PCDH15: variants seen among roughly 807,000 people sequenced by gnomAD.
PCDH15 encodes the protein protocadherin related 15.
Under a neutral mutation model 178.5 loss-of-function variants are expected in PCDH15, and 129 were observed. The ratio of observed to expected loss-of-function variants is 0.72; its 90% CI spans 0.63 to 0.84. PCDH15 has a LOEUF of 0.84. Among genes scored for constraint, PCDH15 ranks in the 40% least tolerant of loss-of-function variants. PCDH15 has a pLI of 0.00. For synonymous variants in PCDH15, 800 were observed against 732.0 expected (o/e 1.09, Z -1.50); for missense variants, 2,230 against 2,099.9 (o/e 1.06, Z -1.21).
intron 8 of PCDH15, among the ~76,000 whole-genome samples, chr10:54,288,897 A>G (rs1244259638): frequency 6.6e-6 from 1 of 152,244 alleles, no homozygotes; most frequent in Non-Finnish European, 1.5e-5. Context: ...CAGCTCAGCA[A>G]GGCCTACTGC....
At chr10:54,246,434 A>G (rs899851391) in intron 8 of PCDH15, among the ~76,000 whole-genome samples, 3 of 151,882 alleles carry the variant, frequency 2.0e-5, no homozygotes, top group African/African-American at 7.2e-5. Context: ...CCTTTTATAT[A>G]TGGCTTTTTA....
chr10:55,234,152 T>C (rs1365296464), intron 1 of PCDH15, among the ~76,000 whole-genome samples: 3 of 151,976 alleles, frequency 2.0e-5, no homozygotes, highest in African/African-American at 7.3e-5. Context: ...CAAATTAAAA[T>C]CTGAATGAAA....
intron 8 of PCDH15, among the ~76,000 whole-genome samples, chr10:54,314,715 G>T (rs1308834773): frequency 6.6e-6 from 1 of 151,896 alleles, no homozygotes; most frequent in Non-Finnish European, 1.5e-5. Context: ...AGACTTCAGG[G>T]TCTGTTGTTC....
chr10:54,202,864 C>T (rs1450522638), intron 10 of PCDH15, among the ~76,000 whole-genome samples: 1 of 150,858 alleles, frequency 6.6e-6, no homozygotes, highest in African/African-American at 2.4e-5. Context: ...CAAAGATTCT[C>T]GTTCATATGT....
chr10:54,752,993 C>T (rs1408474305), intron 1 of PCDH15, among the ~76,000 whole-genome samples: 1 of 152,080 alleles, frequency 6.6e-6, no homozygotes, highest in Non-Finnish European at 1.5e-5. Context: ...CAATATAATT[C>T]TATGCCAATG....
rs1353142698 is a variant in PCDH15 at position 55,538,971 on chromosome 10, CCTCCTTT to C, written c.-156+88647_-156+88653del. 4.6e-3 allele frequency among the ~76,000 whole-genome samples: 54 copies of C among 11,648 alleles called. 6 individuals are homozygous for C. The highest frequency in any genetic ancestry group is 0.013 in the African/African-American group (51 of 4,052). 7.6% of individuals were successfully genotyped at this position (11,648 alleles called of 152,430 possible). Reference sequence around the variant, plus strand: ...CCTTCCTTCCTTTCCTTCCTTCCTTCCTCCTTTCCTTCCTTCCTTCCTCCTTTCCTTC... The same window carrying C: ...CCTTCCTTCCTTTCCTTCCTTCCTTCCCTTCCTTCCTTCCTCCTTTCCTTC... On this transcript the variant is annotated intron_variant, in intron 2 of 5. Coordinates refer to the PCDH15 transcript ENST00000613346.
At chr10:54,466,046 G>T (rs2077496028) in intron 3 of PCDH15, among the ~76,000 whole-genome samples, 2 of 151,924 alleles carry the variant, frequency 1.3e-5, no homozygotes, top group African/African-American at 4.8e-5. Context: ...GTCTTATTTT[G>T]AGAATGTCTA....
chr10:54,020,432 G>C lies in PCDH15; in HGVS notation c.2527-16C>G. 6.2e-7 allele frequency: 1 copy of C among 1,610,922 alleles called. No individual in the cohort carries two copies. The highest frequency in any genetic ancestry group is 8.5e-7 in the Non-Finnish European group (1 of 1,177,490). On this transcript the variant is annotated splice_polypyrimidine_tract_variant and intron_variant, in intron 19 of 37. Transcript: ENST00000644397. ...CATCTTTGGCCTGTAATAAGCAGAA[G>C]AATAGTTTTATTAGTGACGTTACCA...
intron 33 of PCDH15, among the ~76,000 whole-genome samples, chr10:53,819,011 C>T (rs2076161712): frequency 6.6e-6 from 1 of 151,990 alleles, no homozygotes; most frequent in South Asian, 2.1e-4. Context: ...CTTACTTAAG[C>T]TTCTCAATTG....
At chr10:55,135,029 C>T (rs528090298) in intron 2 of PCDH15, among the ~76,000 whole-genome samples, 25 of 152,194 alleles carry the variant, frequency 1.6e-4, no homozygotes, top group Admixed American at 3.3e-4. Flanking sequence ...TATGTGATCA[C>T]TCCTATATAA....
At chr10:54,918,044 TAA>T (rs1243645532) in intron 2 of PCDH15, among the ~76,000 whole-genome samples, 10 of 150,158 alleles carry the variant, frequency 6.7e-5, no homozygotes, top group Non-Finnish European at 1.3e-4. Context: ...CTCCATACTT[TAA>T]GTTTCTCATG....
chr10:54,873,432 C>G (rs1954075319), intron 3 of PCDH15, among the ~76,000 whole-genome samples: 1 of 150,452 alleles, frequency 6.6e-6, no homozygotes. Context: ...TTACCTTGAG[C>G]TGATAGTTTT....
At chr10:54,470,237 A>G (rs1222779663) in intron 3 of PCDH15, among the ~76,000 whole-genome samples, 2 of 152,178 alleles carry the variant, frequency 1.3e-5, no homozygotes, top group Non-Finnish European at 2.9e-5. Flanking sequence ...CAGATAGCTG[A>G]GGAATGCAAG....
chr10:54,101,098 A>G (rs4935498), intron 15 of PCDH15, among the ~76,000 whole-genome samples: 119,169 of 151,992 alleles, frequency 0.78, 47,750 homozygotes, highest in African/African-American at 0.92. Flanking sequence ...GGGGCAGGTC[A>G]TTCCCATGGC....
At chr10:55,083,854 T>C (rs1200756477) in intron 2 of PCDH15, among the ~76,000 whole-genome samples, 1 of 151,402 alleles carries the variant, frequency 6.6e-6, no homozygotes, top group Non-Finnish European at 1.5e-5. Context: ...AGAAATAAAC[T>C]TAACCAAACA....
intron 18 of PCDH15, among the ~76,000 whole-genome samples, chr10:54,026,414 G>A (rs2093095005): frequency 6.6e-6 from 1 of 152,106 alleles, no homozygotes; most frequent in African/African-American, 2.4e-5. Context: ...TATTCATTAA[G>A]CAGACTGACA....
chr10:55,144,814 A>G (rs1838458501), intron 2 of PCDH15, among the ~76,000 whole-genome samples: 4 of 146,722 alleles, frequency 2.7e-5, no homozygotes, highest in African/African-American at 9.8e-5. Flanking sequence ...CATATTAAAT[A>G]TACTTTTTAA....
rs1289657505 is a variant in PCDH15, at chr10:54,447,227, TG to T, written c.158-68286del. ...AACATCTTCACCTAGTTACTATTTT[TG>T]TGTGTGTGTGGTGAGAATACTTGAA... is the stretch of plus-strand genomic sequence containing the variant. On this transcript the variant is annotated intron_variant, in intron 3 of 37. Transcript: ENST00000644397. 2.0e-5 allele frequency among the ~76,000 whole-genome samples: 3 copies of T among 151,654 alleles called. No homozygotes were observed. The East Asian group carries it at 5.8e-4, about 29-fold the overall frequency.
intron 28 of PCDH15, among the ~76,000 whole-genome samples, chr10:53,844,414 A>C (rs1442061990): frequency 2.6e-5 from 4 of 152,174 alleles, no homozygotes; most frequent in African/African-American, 9.6e-5. Flanking sequence ...AGCCATATGA[A>C]ATAAAATATA....
Sources: gnomAD v4.1 joint callset for allele counts (sites outside exome capture counted in the v4.1 genomes callset) on GRCh38, gnomAD v4.1.1 for gene constraint, MANE v1.5 for transcripts, NCBI Gene and HGNC (gene_info 2026-07-23, HGNC 2026-07-21) for gene names.